The following NKAIN3 variants were observed in gnomAD, a reference collection of about 807,000 sequenced individuals.
NKAIN3 encodes the protein sodium/potassium-transporting ATPase subunit beta-1-interacting protein 3.
In NKAIN3, 25 loss-of-function variants were observed where a neutral mutation model predicts 30.2. The observed-to-expected ratio is 0.83, with a 90% CI of 0.60 to 1.16. The LOEUF is 1.16. NKAIN3 is among the 50% of genes most tolerant of loss of function. The pLI, the probability that NKAIN3 is intolerant of heterozygous loss-of-function variation, is 0.00. For synonymous variants in NKAIN3, 91 were observed against 89.6 expected (o/e 1.02, Z -0.09); for missense variants, 225 against 254.1 (o/e 0.89, Z 0.78).
intron 1 of NKAIN3, among the ~76,000 whole-genome samples, chr8:62,340,573 G>A (rs1053335564): frequency 2.0e-5 from 3 of 152,018 alleles, no homozygotes; most frequent in Admixed American, 6.6e-5. Context: ...GCCTGCCAAA[G>A]CACTGTACTT....
Position 62,722,254 on chromosome 8 carries a change from A to C in NKAIN3, c.274-24678A>C, listed in dbSNP as rs536423929. The stretch of plus-strand genomic sequence containing the variant: ...AGCTAAAAGTGCCTTGCTTCATTTA[A>C]GGAAATTCAAGTTGTTGAGATTAAT... On this transcript the variant is annotated intron_variant, in intron 3 of 6. Transcript: ENST00000623646. 1.5e-3 allele frequency among the ~76,000 whole-genome samples: 236 copies of C among 152,330 alleles called. 1 individual carries two copies. The highest frequency in any genetic ancestry group is 3.7e-3 in the Admixed American group (56 of 15,302).
chr8:62,776,992 C>A (rs1817211628), intron 4 of NKAIN3, among the ~76,000 whole-genome samples: 1 of 152,146 alleles, frequency 6.6e-6, no homozygotes, highest in South Asian at 2.1e-4. Flanking sequence ...ATGGTGAAAG[C>A]TTTTTCCTTC....
At chr8:62,868,798 C>T (rs1428301909) in intron 4 of NKAIN3, among the ~76,000 whole-genome samples, 1 of 152,126 alleles carries the variant, frequency 6.6e-6, no homozygotes, top group Non-Finnish European at 1.5e-5. Context: ...CATCGGAGGC[C>T]CTGCCTTATG....
At chr8:62,716,451 T>C (rs1453343451) in intron 3 of NKAIN3, among the ~76,000 whole-genome samples, 1 of 152,196 alleles carries the variant, frequency 6.6e-6, no homozygotes, top group Non-Finnish European at 1.5e-5. Context: ...AATGGATTCA[T>C]GACAGTTGTA....
chr8:62,856,141 C>A (rs576216074), intron 4 of NKAIN3: 1 of 724,764 alleles, frequency 1.4e-6, no homozygotes. Context: ...ATCTGAGACT[C>A]CCATAGATCT....
intron 1 of NKAIN3, among the ~76,000 whole-genome samples, chr8:62,386,604 C>A (rs1320854798): frequency 6.6e-6 from 1 of 152,042 alleles, no homozygotes; most frequent in South Asian, 2.1e-4. Context: ...TTTAATATGA[C>A]AAATCTTGCT....
In NKAIN3 at chr8:62,311,444, T is replaced by C. The variant is rs542502329; in HGVS notation, c.54+62317T>C. ...CTGGGGCCTACGGATTTAAGTAGTT[T>C]GACTAAGTTCATTCTGAAAATTAGC... On this transcript the variant is annotated intron_variant, in intron 1 of 6. Transcript: ENST00000623646. Among the ~76,000 whole-genome samples, 5 of 150,576 alleles carry C rather than the reference T, an allele frequency of 3.3e-5. No homozygotes were observed. In the South Asian group the frequency reaches 6.2e-4, roughly 19 times the overall value.
intron 1 of NKAIN3, among the ~76,000 whole-genome samples, chr8:62,525,147 G>A (rs1808264579): frequency 6.6e-6 from 1 of 152,058 alleles, no homozygotes; most frequent in African/African-American, 2.4e-5. Context: ...TTTTAATGGG[G>A]AAACTGTGTA....
At chr8:62,613,180 C>A (rs1367637577) in intron 3 of NKAIN3, among the ~76,000 whole-genome samples, 1 of 152,076 alleles carries the variant, frequency 6.6e-6, no homozygotes, top group East Asian at 1.9e-4. Context: ...GAAGTACTTT[C>A]TTTAGCCTTT....
chr8:62,274,174 A>T (rs1020413717), intron 1 of NKAIN3, among the ~76,000 whole-genome samples: 1 of 152,144 alleles, frequency 6.6e-6, no homozygotes, highest in Non-Finnish European at 1.5e-5. Flanking sequence ...TAAACTTATT[A>T]TTATTTGTTT....
At chr8:62,900,553 A>C (rs1160745055) in intron 4 of NKAIN3, among the ~76,000 whole-genome samples, 1 of 152,158 alleles carries the variant, frequency 6.6e-6, no homozygotes, top group Non-Finnish European at 1.5e-5. Context: ...TCTGTGCCTC[A>C]ATTTTCTCAT....
At chr8:62,477,979 T>C (rs911149998) in intron 1 of NKAIN3, among the ~76,000 whole-genome samples, 1 of 152,164 alleles carries the variant, frequency 6.6e-6, no homozygotes, top group Admixed American at 6.5e-5. Context: ...ATAGAGGTAT[T>C]TATTCCCAGA....
At chr8:62,774,118 G>A (rs370018718) in intron 4 of NKAIN3, among the ~76,000 whole-genome samples, 2 of 151,996 alleles carry the variant, frequency 1.3e-5, no homozygotes, top group South Asian at 4.1e-4. Context: ...AGACCTCTTT[G>A]ATTTCTTTGG....
intron 4 of NKAIN3, among the ~76,000 whole-genome samples, chr8:62,842,017 A>G (rs1819544534): frequency 1.3e-5 from 2 of 152,062 alleles, no homozygotes; most frequent in Admixed American, 6.6e-5. Flanking sequence ...GTATAAATAG[A>G]TATCTTGTTG....
chr8:62,945,335 T>C (rs907727424), intron 5 of NKAIN3, among the ~76,000 whole-genome samples: 5 of 152,230 alleles, frequency 3.3e-5, no homozygotes, highest in African/African-American at 1.2e-4. Flanking sequence ...TTTAAACTAC[T>C]ACTACTAGCT....
intron 1 of NKAIN3, among the ~76,000 whole-genome samples, chr8:62,279,522 C>A (rs185259119): frequency 3.7e-4 from 56 of 152,284 alleles, no homozygotes; most frequent in African/African-American, 1.2e-3. Flanking sequence ...ACATTTAAGT[C>A]TTTAATCCAT....
At chr8:62,812,283 AT>A (rs1027381441) in intron 4 of NKAIN3, among the ~76,000 whole-genome samples, 1 of 151,544 alleles carries the variant, frequency 6.6e-6, no homozygotes, top group African/African-American at 2.4e-5. Flanking sequence ...TTTCCACTTT[AT>A]TTTTTTGGAA....
At chr8:62,343,138 C>T (rs7843441) in intron 1 of NKAIN3, among the ~76,000 whole-genome samples, 5,948 of 152,072 alleles carry the variant, frequency 0.039, 420 homozygotes, top group African/African-American at 0.14. Context: ...CATAAGAGTA[C>T]ATACTCCAGA....
chr8:62,703,641 T>C (rs1339583054), intron 3 of NKAIN3, among the ~76,000 whole-genome samples: 1 of 152,200 alleles, frequency 6.6e-6, no homozygotes, highest in Non-Finnish European at 1.5e-5. Context: ...TGCGGAAACA[T>C]CCTGGGGATT....
Sources: allele counts gnomAD v4.1 joint callset (sites outside exome capture counted in the v4.1 genomes callset), GRCh38; gene constraint gnomAD v4.1.1; transcripts MANE v1.5; gene names NCBI Gene and HGNC (gene_info 2026-07-23, HGNC 2026-07-21).